MALRD1: variants seen among roughly 807,000 people sequenced by gnomAD.
MALRD1 encodes the protein MAM and LDL receptor class A domain containing 1.
MALRD1 carries 247 observed loss-of-function variants against 242.1 expected under a neutral mutation model. That is an observed-to-expected ratio of 1.02 (90% CI 0.92 to 1.13). The LOEUF (loss-of-function observed/expected upper bound fraction) is 1.13. Among genes scored for constraint, MALRD1 ranks in the 50% most tolerant of loss-of-function variants. The pLI is 0.00. For synonymous variants in MALRD1, 995 were observed against 866.6 expected, an observed-to-expected ratio of 1.15 and a Z score of -2.60; for missense variants, 2,989 against 2,533.1, an observed-to-expected ratio of 1.18 and a Z score of -3.86.
intron 31 of MALRD1, among the ~76,000 whole-genome samples, chr10:19,504,664 ATTTTTTTTTT>A (rs759213931): frequency 3.1e-5 from 3 of 97,590 alleles, no homozygotes; most frequent in African/African-American, 4.6e-5. Flanking sequence ...ATTGTAACAC[ATTTTTTTTTT>A]TTTTTTTTTT....
chr10:19,546,578 G>A (rs1364889158), intron 32 of MALRD1, among the ~76,000 whole-genome samples: 1 of 152,216 alleles, frequency 6.6e-6, no homozygotes, highest in Non-Finnish European at 1.5e-5. Flanking sequence ...CATATGCACA[G>A]CTTCTTCTCT....
intron 32 of MALRD1, among the ~76,000 whole-genome samples, chr10:19,533,694 G>C (rs1189809125): frequency 6.6e-6 from 1 of 152,118 alleles, no homozygotes; most frequent in Non-Finnish European, 1.5e-5. Flanking sequence ...GATATCATGA[G>C]AACTCACTCA....
At chr10:19,438,378 T>G (rs1464113208) in intron 28 of MALRD1, among the ~76,000 whole-genome samples, 2 of 152,222 alleles carry the variant, frequency 1.3e-5, no homozygotes, top group African/African-American at 4.8e-5. Flanking sequence ...CATTACATAA[T>G]GGATTATATG....
At chr10:19,680,590 A>G (rs1455564180) in intron 36 of MALRD1, among the ~76,000 whole-genome samples, 2 of 152,088 alleles carry the variant, frequency 1.3e-5, no homozygotes, top group Non-Finnish European at 2.9e-5. Flanking sequence ...CTCTGTATCC[A>G]TCTTGCCATT....
intron 36 of MALRD1, among the ~76,000 whole-genome samples, chr10:19,684,611 G>A (rs1842500361): frequency 6.6e-6 from 1 of 152,088 alleles, no homozygotes; most frequent in African/African-American, 2.4e-5. Flanking sequence ...CAAAAATTAG[G>A]CATGCTGGCA....
At chr10:19,527,816 A>C (rs1834171872) in intron 31 of MALRD1, among the ~76,000 whole-genome samples, 1 of 152,192 alleles carries the variant, frequency 6.6e-6, no homozygotes, top group Non-Finnish European at 1.5e-5. Flanking sequence ...TTTCTTACTG[A>C]AGATAATGTT....
At chr10:19,705,804 T>TGAAAAAAAAAA (rs71388859) in intron 38 of MALRD1, among the ~76,000 whole-genome samples, 17 of 102,896 alleles carry the variant, frequency 1.7e-4, no homozygotes, top group Non-Finnish European at 3.0e-4. Context: ...CCTGCAATAG[T>TGAAAAAAAAAA]AAAAAAAAAA....
intron 32 of MALRD1, among the ~76,000 whole-genome samples, chr10:19,558,223 C>CT (rs200581034): frequency 4.2e-4 from 64 of 152,052 alleles, no homozygotes; most frequent in Non-Finnish European, 6.8e-4. Flanking sequence ...AATTAGTATG[C>CT]TTTTTTCCCC....
At chr10:19,699,866 C>T (rs1337158982) in intron 38 of MALRD1, among the ~76,000 whole-genome samples, 1 of 152,024 alleles carries the variant, frequency 6.6e-6, no homozygotes, top group Admixed American at 6.6e-5. Flanking sequence ...GATCTGCTCC[C>T]ATGACACAAA....
At position 19,368,701 on chromosome 10, in the gene MALRD1, T is replaced by C. The variant is rs1008975976; in HGVS notation, c.4441+16404T>C. 2.6e-5 allele frequency among the ~76,000 whole-genome samples: 4 copies of C among 151,954 alleles called. No homozygotes were observed. The East Asian group carries it at 7.7e-4, about 29-fold the overall frequency. On this transcript the variant is annotated intron_variant, in intron 26 of 39. Coordinates refer to ENST00000454679, the MANE Select transcript of MALRD1 (RefSeq NM_001142308.3). ...TTGTATTGAATCTATAGATTTCTTA[T>C]GTAGTATGCTTATTTTAACAATATT...
chr10:19,662,916 CATTA>C (rs1841511075), intron 36 of MALRD1, among the ~76,000 whole-genome samples: 1 of 152,116 alleles, frequency 6.6e-6, no homozygotes, highest in Non-Finnish European at 1.5e-5. Context: ...GTCCATTTTT[CATTA>C]ATCATAGAAT....
chr10:19,502,368 G>A (rs1489279530), intron 31 of MALRD1, among the ~76,000 whole-genome samples: 2 of 152,152 alleles, frequency 1.3e-5, no homozygotes, highest in Non-Finnish European at 2.9e-5. Context: ...TTAATGTTAT[G>A]CATTTTCAGA....
At chr10:19,654,722 T>C (rs1298491517) in intron 36 of MALRD1, among the ~76,000 whole-genome samples, 1 of 152,060 alleles carries the variant, frequency 6.6e-6, no homozygotes, top group East Asian at 1.9e-4. Context: ...TACAGTAAAA[T>C]ACAAATGAGA....
At chr10:19,586,109 T>A (rs1223665782) in intron 33 of MALRD1, among the ~76,000 whole-genome samples, 2 of 152,160 alleles carry the variant, frequency 1.3e-5, no homozygotes, top group African/African-American at 4.8e-5. Context: ...GTATTGGTTA[T>A]TCTAGTTATA....
chr10:19,505,748 C>T (rs777042832), intron 31 of MALRD1, among the ~76,000 whole-genome samples: 30 of 152,162 alleles, frequency 2.0e-4, no homozygotes, highest in South Asian at 4.1e-4. Flanking sequence ...CCAAACACAA[C>T]TGCTCGCATA....
chr10:19,323,852 C>A, intron 21 of MALRD1, 97 bp from the exon 22 acceptor site: 4 of 1,082,030 alleles, frequency 3.7e-6, no homozygotes, highest in African/African-American at 1.6e-5. Flanking sequence ...TGCAGGTGAT[C>A]CACCTGCCTC....
In MALRD1 at chr10:19,567,516, A is replaced by G; in HGVS notation, c.5493A>G (p.Glu1831=). The G allele has an allele frequency of 1.3e-6, 2 of 1,550,470 alleles. No individual in the cohort carries two copies. Among genetic ancestry groups the G allele is most frequent in the South Asian group, 2.4e-5 (2 of 84,060 alleles). The change falls in exon 33 of 40, where the codon GAA becomes GAG. Residue 1831 remains glutamate (E), a synonymous_variant. Coordinates refer to ENST00000454679, the MANE Select transcript of MALRD1 (RefSeq NM_001142308.3). ...GATTTTTAAAGGTGTATACCATTGA[A>G]GAATCGGGGCTAAACATCCTGGTGT... is the stretch of plus-strand genomic sequence containing the variant. ...SMGILKVYTI[E]ESGLNILVWS...
intron 36 of MALRD1, among the ~76,000 whole-genome samples, chr10:19,688,965 C>T (rs1008271664): frequency 6.6e-6 from 1 of 152,160 alleles, no homozygotes; most frequent in Non-Finnish European, 1.5e-5. Context: ...TTCTCCTCCC[C>T]CTCCACCTTT....
intron 26 of MALRD1, 27 bp from the exon 27 acceptor site, chr10:19,387,501 T>C: frequency 6.5e-7 from 1 of 1,544,598 alleles, no homozygotes; most frequent in Non-Finnish European, 8.7e-7. Flanking sequence ...TGTTCGCTCA[T>C]TCTTGTTTTC....
Sources: allele counts gnomAD v4.1 joint callset (sites outside exome capture counted in the v4.1 genomes callset), GRCh38; gene constraint gnomAD v4.1.1; transcripts MANE v1.5; gene names NCBI Gene and HGNC (gene_info 2026-07-23, HGNC 2026-07-21).